Variants in CYREN observed in about 807,000 individuals in gnomAD.
CYREN encodes the protein cell cycle regulator of non-homologous end joining.
CYREN carries 7 observed loss-of-function variants against 9.7 expected under a neutral mutation model. That is an observed-to-expected ratio of 0.72 (90% CI 0.41 to 1.36). CYREN has a LOEUF of 1.36. Ranked by LOEUF, CYREN falls within the 40% of genes most tolerant of loss-of-function variation. The pLI is 0.01. For synonymous variants in CYREN, 76 were observed against 77.9 expected (o/e 0.98, Z 0.13); for missense variants, 215 against 198.1 (o/e 1.09, Z -0.51).
intron 2 of CYREN, among the ~76,000 whole-genome samples, chr7:135,152,446 G>C (rs911739120): frequency 6.6e-6 from 1 of 152,264 alleles, no homozygotes; most frequent in Non-Finnish European, 1.5e-5. Context: ...CTGGCTGTGT[G>C]AACTTGGGCA....
intron 2 of CYREN, among the ~76,000 whole-genome samples, chr7:135,094,742 T>C (rs1313810452): frequency 6.6e-6 from 1 of 152,194 alleles, no homozygotes; most frequent in African/African-American, 2.4e-5. Context: ...ACCTGGGTAG[T>C]AGTCAGAGAC....
exon 3 of CYREN, chr7:135,093,050 C>A (rs1301631264): frequency 3.3e-5 from 5 of 150,320 alleles, no homozygotes; most frequent in African/African-American, 4.9e-5. Flanking sequence ...AAAAAAAAAG[C>A]CATCTTCAAA....
chr7:135,162,784 C>G (rs757839609), downstream of CYREN, among the ~76,000 whole-genome samples: 8 of 152,212 alleles, frequency 5.3e-5, no homozygotes, highest in Non-Finnish European at 1.0e-4. Flanking sequence ...AAACTTATCC[C>G]ATACTGGAAA....
chr7:135,120,327 A>C (rs1363723646), intron 2 of CYREN, among the ~76,000 whole-genome samples: 4 of 152,246 alleles, frequency 2.6e-5, no homozygotes, highest in Non-Finnish European at 4.4e-5. Flanking sequence ...TATAAATGTG[A>C]GAAGGTAAAA....
At chr7:135,095,326 A>G (rs565583680) in intron 2 of CYREN, among the ~76,000 whole-genome samples, 8 of 152,316 alleles carry the variant, frequency 5.3e-5, no homozygotes, top group South Asian at 4.1e-4. Context: ...CTCCAGTATA[A>G]TAACAGTGGT....
downstream of CYREN, chr7:135,165,436 C>CA (rs1037104564): frequency 5.6e-6 from 1 of 177,954 alleles, no homozygotes; most frequent in Non-Finnish European, 1.3e-5. Context: ...GCGAGCACCT[C>CA]AGTGTCTCTG....
At position 135,166,360 on chromosome 7, in the gene CYREN, C is replaced by A. The variant is rs1019297730; in HGVS notation, c.*251G>T. 2 of 430,904 alleles carry A rather than the reference C, an allele frequency of 4.6e-6. No homozygotes were observed. Among genetic ancestry groups the A allele is most frequent in the South Asian group, 1.0e-4 (2 of 19,522 alleles). The allele number at this position is 430,904 out of a possible 1,614,324, so 26.7% of individuals were successfully genotyped here. A position where few individuals can be genotyped will look rare whatever the true frequency, so the allele number is the denominator to read the frequency against. On this transcript the variant is annotated 3_prime_UTR_variant, in exon 4 of 4. Coordinates refer to ENST00000393114, the MANE Select transcript of CYREN (RefSeq NM_024033.4). ...CAGAGCCTCAAGAGCCAGGAGAGGG[C>A]ACAGTACATACAGAGGGAGTCAAAT... is the stretch of plus-strand genomic sequence containing the variant.
chr7:135,164,418 G>A, downstream of CYREN: 1 of 1,583,758 alleles, frequency 6.3e-7, no homozygotes, highest in Non-Finnish European at 8.6e-7. Context: ...TTCCCCGCAG[G>A]TCCCCCGGCA....
upstream of CYREN, among the ~76,000 whole-genome samples, chr7:135,172,206 G>C (rs1251691727): frequency 1.3e-5 from 2 of 152,156 alleles, no homozygotes; most frequent in African/African-American, 4.8e-5. Context: ...GGTAAGACTA[G>C]TCTTTGGAAC....
At position 135,167,765 on chromosome 7, in the gene CYREN, C is replaced by G. The variant is rs769143112; in HGVS notation, c.180G>C (p.Glu60Asp). The G allele has an allele frequency of 6.2e-7, 1 of 1,614,226 alleles. No individual in the cohort carries two copies. The highest frequency in any genetic ancestry group is 1.3e-5 in the African/African-American group (1 of 75,070). Residue 60 changes from glutamate to aspartate, a missense_variant, in exon 3 of 4, where the codon GAG (glutamate) becomes GAC (aspartate). Glu to Asp is a conservative substitution (Grantham distance 45, BLOSUM62 2). Coordinates refer to ENST00000393114, the MANE Select transcript of CYREN (RefSeq NM_024033.4). ...GGATTCCCAGAGCAACATCAACTAT[C>G]TCAGCCTCATTCATGCAGTACACAG... is the stretch of plus-strand genomic sequence containing the variant. ...TRTVYCMNEA[E>D]IVDVALGILI...
intron 2 of CYREN, chr7:135,115,539 G>A (rs1274679166): frequency 1.3e-6 from 2 of 1,551,302 alleles, no homozygotes; most frequent in Non-Finnish European, 1.7e-6. Context: ...ATCGTGCATA[G>A]CACTAAAAAC....
chr7:135,124,304 G>A (rs572103311), intron 2 of CYREN, among the ~76,000 whole-genome samples: 3 of 152,014 alleles, frequency 2.0e-5, no homozygotes, highest in Non-Finnish European at 4.4e-5. Context: ...ACAAAGAAGG[G>A]TATTACATAA....
chr7:135,093,822 T>TAA (rs752973332), exon 3 of CYREN: 5 of 152,198 alleles, frequency 3.3e-5, no homozygotes, highest in African/African-American at 4.8e-5. Flanking sequence ...AGAACAATGT[T>TAA]TAAGGATTCC....
chr7:135,095,719 CT>C (rs1175685041), intron 2 of CYREN, among the ~76,000 whole-genome samples: 1 of 152,164 alleles, frequency 6.6e-6, no homozygotes, highest in Non-Finnish European at 1.5e-5. Context: ...GTCACTGTCA[CT>C]TTTTTTCCCC....
At chr7:135,095,710 T>C (rs1230282282) in intron 2 of CYREN, among the ~76,000 whole-genome samples, 1 of 152,218 alleles carries the variant, frequency 6.6e-6, no homozygotes, top group East Asian at 1.9e-4. Flanking sequence ...CCATTCAAAG[T>C]CACTGTCACT....
intron 2 of CYREN, among the ~76,000 whole-genome samples, chr7:135,129,894 T>C (rs1828486545): frequency 6.6e-6 from 1 of 152,166 alleles, no homozygotes. Context: ...TGAGAAAAAT[T>C]ATAAGCCAAG....
chr7:135,102,847 C>G (rs887570509), intron 2 of CYREN, among the ~76,000 whole-genome samples: 1 of 152,078 alleles, frequency 6.6e-6, no homozygotes, highest in African/African-American at 2.4e-5. Flanking sequence ...GGGAGAGAAT[C>G]TTTATGGTCT....
rs1453965659 is a variant in CYREN, at chr7:135,102,971, TA to T, written n.357-8390del. 3.3e-5 allele frequency among the ~76,000 whole-genome samples: 5 copies of T among 152,150 alleles called. No homozygotes were observed. In the East Asian group the frequency reaches 9.6e-4, roughly 29 times the overall value. ...CTTTAAAAGACACTGTTAAGAAAAT[TA>T]AAATGCATGGGACATATTGGAAAAA... On this transcript the variant is annotated intron_variant and non_coding_transcript_variant, in intron 2 of 2. Coordinates refer to the CYREN transcript ENST00000459937.
rs547883331 is a variant in CYREN, at chr7:135,156,872, A to C, written n.356+11877T>G. On this transcript the variant is annotated intron_variant and non_coding_transcript_variant, in intron 2 of 2. Coordinates refer to the CYREN transcript ENST00000459937. ...GGACGCCAGGGGAGGTAACTGAATC[A>C]TGGGGGCTGGTCTTTCCCATGCTAT... is the stretch of plus-strand genomic sequence containing the variant. Among the ~76,000 whole-genome samples the C allele has an allele frequency of 2.6e-5, 4 of 152,260 alleles. No individual in the cohort carries two copies. The South Asian group carries it at 8.3e-4, about 32-fold the overall frequency.
Sources: allele counts gnomAD v4.1 joint callset (sites outside exome capture counted in the v4.1 genomes callset), GRCh38; gene constraint gnomAD v4.1.1; transcripts MANE v1.5; gene names NCBI Gene and HGNC (gene_info 2026-07-23, HGNC 2026-07-21).